ZNF267: variants seen among roughly 807,000 people sequenced by gnomAD.
The protein encoded by ZNF267 is zinc finger protein 267, also known as zinc finger (C2H2).
Under a neutral mutation model 71.6 loss-of-function variants are expected in ZNF267, and 61 were observed. The ratio of observed to expected loss-of-function variants is 0.85; its 90% CI spans 0.69 to 1.05. The LOEUF (loss-of-function observed/expected upper bound fraction) is 1.05, where lower values mean the gene tolerates loss of function less well. ZNF267 is among the 50% of genes least tolerant of loss of function. The pLI, the probability that ZNF267 is intolerant of heterozygous loss-of-function variation, is 0.00. For missense variants in ZNF267, 852 were observed against 870.0 expected (o/e 0.98, Z 0.26); for synonymous variants, 288 against 293.2 (o/e 0.98, Z 0.18).
chr16:31,896,042 C>T (rs1402522060), intron 3 of ZNF267, among the ~76,000 whole-genome samples: 2 of 152,168 alleles, frequency 1.3e-5, no homozygotes, highest in Admixed American at 6.5e-5. Context: ...AACAGGGTCT[C>T]ACTCTGTCAC....
intron 3 of ZNF267, among the ~76,000 whole-genome samples, chr16:31,901,633 T>G (rs1021107168): frequency 6.6e-6 from 1 of 152,200 alleles, no homozygotes; most frequent in African/African-American, 2.4e-5. Context: ...TCACCCACTT[T>G]TTGATGGGGT....
intron 1 of ZNF267, chr16:31,875,065 CTCTTTTTCATTCA>C: frequency 8.0e-7 from 1 of 1,243,910 alleles, no homozygotes; most frequent in South Asian, 1.2e-5. Context: ...AAAACTGTGC[CTCTTTTTCATTCA>C]TCTTCCCCAG....
intron 1 of ZNF267, among the ~76,000 whole-genome samples, chr16:31,876,206 T>C (rs1390852620): frequency 2.6e-5 from 4 of 152,132 alleles, no homozygotes; most frequent in Non-Finnish European, 5.9e-5. Flanking sequence ...CTTGTCTGGA[T>C]GTTGAGTTTA....
intron 3 of ZNF267, among the ~76,000 whole-genome samples, chr16:31,896,005 G>A (rs986735337): frequency 6.6e-6 from 1 of 152,000 alleles, no homozygotes; most frequent in Non-Finnish European, 1.5e-5. Context: ...TTTGTTATCT[G>A]TGCTTTTCAA....
intron 3 of ZNF267, among the ~76,000 whole-genome samples, chr16:31,902,984 T>A (rs2142352411): frequency 6.6e-6 from 1 of 152,114 alleles, no homozygotes; most frequent in South Asian, 2.1e-4. Context: ...GTATTGAGAG[T>A]TTTTAGCATG....
chr16:31,874,053 C>A, intron 1 of ZNF267, 84 bp downstream of exon 1: 2 of 1,489,908 alleles, frequency 1.3e-6, no homozygotes, highest in Admixed American at 1.8e-5. Context: ...GGCACCCGGG[C>A]CTCCCCGCAG....
intron 3 of ZNF267, among the ~76,000 whole-genome samples, chr16:31,909,231 A>C (rs2084117448): frequency 6.7e-6 from 1 of 148,734 alleles, no homozygotes; most frequent in Admixed American, 6.8e-5. Flanking sequence ...TCCCGGGTTC[A>C]AGTGATTCTC....
At chr16:31,912,782 G>A (rs2084145058) in intron 3 of ZNF267, 1 of 151,580 alleles carries the variant, frequency 6.6e-6, no homozygotes, top group Non-Finnish European at 1.5e-5. Context: ...TGCCTGATCA[G>A]TTTTGCTATT....
chr16:31,908,317 G>T (rs138104356), intron 3 of ZNF267, among the ~76,000 whole-genome samples: 1 of 152,236 alleles, frequency 6.6e-6, no homozygotes, highest in South Asian at 2.1e-4. Flanking sequence ...TGTCAGATGC[G>T]TAGTTTGTGA....
intron 3 of ZNF267, among the ~76,000 whole-genome samples, chr16:31,909,788 A>AGT (rs1033725981): frequency 2.0e-5 from 3 of 152,196 alleles, no homozygotes; most frequent in African/African-American, 7.2e-5. Flanking sequence ...TAGCACTTCC[A>AGT]GTACTATGTT....
At position 31,916,629 on chromosome 16, in the gene ZNF267, A is replaced by G. The variant is rs987979924; in HGVS notation, c.*148A>G. ...AGCCTTACACAATAGCAGAGAATAT[A>G]AACTGAAAAAATCCATACAAATATT... is the stretch of plus-strand genomic sequence containing the variant. On this transcript the variant is annotated 3_prime_UTR_variant, in exon 4 of 4. Transcript: ENST00000300870. 6 of 809,586 alleles carry G rather than the reference A, an allele frequency of 7.4e-6. No homozygotes were observed. In the Admixed American group the frequency reaches 1.5e-4, roughly 20 times the overall value. 50.2% of individuals were successfully genotyped at this position (809,586 alleles called of 1,614,324 possible).
intron 3 of ZNF267, chr16:31,894,439 A>C (rs1323673111): frequency 2.3e-6 from 1 of 430,504 alleles, no homozygotes; most frequent in Non-Finnish European, 4.4e-6. Flanking sequence ...TATGTTAAGC[A>C]CTCCACCTGT....
rs1434911832 is a variant in ZNF267, at chr16:31,877,640, C to A, written c.3+3671C>A. 2.0e-5 allele frequency among the ~76,000 whole-genome samples: 3 copies of A among 152,160 alleles called. No homozygotes were observed. The South Asian group carries it at 6.2e-4, about 31-fold the overall frequency. ...GAACACTGAAGACAGAGCTGTTCAGCTGAGTCAGAAGGGGAATTTGGAGAG... is the reference window on the plus strand; with the variant it reads ...GAACACTGAAGACAGAGCTGTTCAGATGAGTCAGAAGGGGAATTTGGAGAG... On this transcript the variant is annotated intron_variant, in intron 1 of 3. Transcript: ENST00000300870.
intron 3 of ZNF267, among the ~76,000 whole-genome samples, chr16:31,901,135 A>G (rs951301900): frequency 2.6e-5 from 4 of 152,024 alleles, no homozygotes; most frequent in African/African-American, 9.7e-5. Flanking sequence ...TGAACTCATC[A>G]TTTTTTATGG....
chr16:31,874,017 C>T (rs1477658524), intron 1 of ZNF267, 48 bp downstream of exon 1: 1 of 1,595,154 alleles, frequency 6.3e-7, no homozygotes, highest in South Asian at 1.1e-5. Flanking sequence ...GGGCGGTGGT[C>T]GGAAGCGGCG....
At chr16:31,909,853 G>T (rs1231256023) in intron 3 of ZNF267, among the ~76,000 whole-genome samples, 1 of 152,182 alleles carries the variant, frequency 6.6e-6, no homozygotes, top group African/African-American at 2.4e-5. Flanking sequence ...TTAGAGAAAA[G>T]ACTTTCAGAT....
At chr16:31,912,865 T>A (rs1225353837) in intron 3 of ZNF267, 1 of 152,078 alleles carries the variant, frequency 6.6e-6, no homozygotes. Flanking sequence ...CTTTTAATTA[T>A]TTCAACCTCT....
Position 31,914,558 on chromosome 16 carries a change from T to G in ZNF267, c.309T>G (p.His103Gln), listed in dbSNP as rs763316893. 6.2e-7 allele frequency: 1 copy of G among 1,613,990 alleles called. No homozygotes were observed. Among genetic ancestry groups the G allele is most frequent in the African/African-American group, 1.3e-5 (1 of 74,906 alleles). ...TCCAAAAAGTGATATCGAGGAGACA[T>G]GGGAGCTGTGATCTTGAGAATTTAC... ...ASFQKVISRRHGSCDLENLHL... is the reference protein window; with the variant it reads ...ASFQKVISRRQGSCDLENLHL... Residue 103 changes from histidine (H) to glutamine (Q), a missense_variant, in exon 4 of 4, where the codon CAT (histidine) becomes CAG (glutamine). Transcript: ENST00000300870.
intron 3 of ZNF267, among the ~76,000 whole-genome samples, chr16:31,888,119 A>G (rs572613455): frequency 1.3e-4 from 20 of 152,008 alleles, no homozygotes; most frequent in African/African-American, 3.9e-4. Context: ...TTTAAAAAAA[A>G]TTTTTGATAC....
Sources: allele counts gnomAD v4.1 joint callset (sites outside exome capture counted in the v4.1 genomes callset), GRCh38; gene constraint gnomAD v4.1.1; transcripts MANE v1.5; gene names NCBI Gene and HGNC (gene_info 2026-07-23, HGNC 2026-07-21).